The following ANKRD30B variants were observed in gnomAD, a reference collection of about 807,000 sequenced individuals.
The protein encoded by ANKRD30B is ankyrin repeat domain-containing protein 30B.
A neutral mutation model predicts 202.2 loss-of-function variants in ANKRD30B; 144 were observed. The ratio of observed to expected loss-of-function variants is 0.71; its 90% confidence interval spans 0.62 to 0.82. The LOEUF is 0.82. Among genes scored for constraint, ANKRD30B ranks in the 40% least tolerant of loss-of-function variants. The pLI is 0.00. For synonymous variants in ANKRD30B, 508 were observed against 561.3 expected (o/e 0.91, Z 1.34); for missense variants, 1,487 against 1,669.1 (o/e 0.89, Z 1.90).
Position 14,848,185 on chromosome 18 carries a change from T to G in ANKRD30B, c.3182-531T>G. Among the ~76,000 whole-genome samples the G allele has an allele frequency of 1.3e-5, 2 of 152,154 alleles. 1 individual carries two copies. Among genetic ancestry groups the G allele is most frequent in the Admixed American group, 1.3e-4 (2 of 15,262 alleles). On this transcript the variant is annotated intron_variant, in intron 39 of 43. Coordinates refer to ENST00000690538, the MANE Select transcript of ANKRD30B (RefSeq NM_001367607.2). The stretch of plus-strand genomic sequence containing the variant: ...TTTCTGTTTTTCAGGGACTATCATC[T>G]TCTTTGCCTAATGTCCACTGTCTAA...
the ANKRD30B span, among the ~76,000 whole-genome samples, chr18:14,931,789 C>A: frequency 6.6e-6 from 1 of 151,914 alleles, no homozygotes; most frequent in Non-Finnish European, 1.5e-5. Flanking sequence ...CAATCCAGCT[C>A]CTCAGTTTTC....
chr18:14,839,389 G>A (rs564854114), intron 36 of ANKRD30B, among the ~76,000 whole-genome samples: 24 of 152,252 alleles, frequency 1.6e-4, no homozygotes, highest in African/African-American at 5.5e-4. Context: ...AGTCTAGGAG[G>A]AAGACATTCT....
At chr18:14,883,365 G>C in the ANKRD30B span, among the ~76,000 whole-genome samples, 26 of 105,714 alleles carry the variant, frequency 2.5e-4, no homozygotes, top group Non-Finnish European at 3.8e-4. Flanking sequence ...CTCTCTGTCT[G>C]TCTGTCTCTC....
At chr18:14,799,155 G>T (rs1969140527) in intron 21 of ANKRD30B, 26 bp downstream of exon 21, 3 of 1,588,278 alleles carry the variant, frequency 1.9e-6, no homozygotes, top group Non-Finnish European at 2.6e-6. Flanking sequence ...TTTTTATCTT[G>T]AATATTACCT....
intron 7 of ANKRD30B, among the ~76,000 whole-genome samples, chr18:14,766,493 A>AAAAAAGAAAAGAAAAGAAAAGAAAAG (rs1567989711): frequency 9.4e-5 from 8 of 85,052 alleles, no homozygotes; most frequent in Non-Finnish European, 1.9e-4. Context: ...AAAAAAAAAA[A>AAAAAAGAAAAGAAAAGAAAAGAAAAG]AAAAGAAAAG....
At chr18:14,821,592 G>C (rs371500884) in intron 30 of ANKRD30B, among the ~76,000 whole-genome samples, 53 of 152,256 alleles carry the variant, frequency 3.5e-4, no homozygotes, top group South Asian at 3.1e-3. Flanking sequence ...CAAGTAGCTG[G>C]GGTTACAGGC....
At position 14,803,765 on chromosome 18, in the gene ANKRD30B, T is replaced by A. The variant is rs201930187; in HGVS notation, c.2225T>A (p.Val742Glu). The A allele has an allele frequency of 3.1e-6, 5 of 1,607,096 alleles. 1 individual carries two copies. The African/African-American group carries it at 5.4e-5, about 17-fold the overall frequency. Residue 742 changes from valine (V) to glutamate (E), a missense_variant, in exon 24 of 44, where the codon GTG (valine) becomes GAG (glutamate). Around this residue, in one of 6 missense-constraint regions of ANKRD30B, gnomAD observed 218 missense variants for 320.1 expected, o/e 0.68. Transcript: ENST00000690538. ...SFLETLLQND[V>E]CLPKATHQKE... Reference sequence around the variant, plus strand: ...CTTGAGACTCTCTTACAGAATGATGTGTGTTTACCCAAGGCTACACATCAA... The same window carrying A: ...CTTGAGACTCTCTTACAGAATGATGAGTGTTTACCCAAGGCTACACATCAA...
rs760723137 is a variant in ANKRD30B, at chr18:14,791,443, A to G, written c.1777A>G (p.Lys593Glu). Residue 593 changes from lysine (K) to glutamate (E), a missense_variant, in exon 16 of 44, where the codon AAA becomes GAA. Lys to Glu is a moderately conservative substitution (Grantham distance 56, BLOSUM62 1). Coordinates refer to ENST00000690538, the MANE Select transcript of ANKRD30B (RefSeq NM_001367607.2). Reference sequence around the variant, plus strand: ...TTCACAGAAGGATGTGTATTTACCCAAAGCTACACATCAAAAAGAATTCGA... The same window carrying G: ...TTCACAGAAGGATGTGTATTTACCCGAAGCTACACATCAAAAAGAATTCGA... ...TVSQKDVYLP[K>E]ATHQKEFDTL... 2 of 1,611,468 alleles carry G rather than the reference A, an allele frequency of 1.2e-6. No homozygotes were observed. Among genetic ancestry groups the G allele is most frequent in the East Asian group, 4.5e-5 (2 of 44,694 alleles).
intron 15 of ANKRD30B, among the ~76,000 whole-genome samples, chr18:14,789,034 C>T (rs1416084093): frequency 1.3e-5 from 2 of 151,494 alleles, no homozygotes; most frequent in African/African-American, 2.4e-5. Flanking sequence ...GTTCCTATTT[C>T]TCCACATCCT....
rs536799975 is a variant in ANKRD30B at position 14,809,455 on chromosome 18, T to G, written c.2387-531T>G. The stretch of plus-strand genomic sequence containing the variant: ...GACCAGAAATTCTCAGAAGGGAGTA[T>G]GCCTTAACCCTAAAGAGGCCTAGAA... On this transcript the variant is annotated intron_variant, in intron 26 of 43. Coordinates refer to ENST00000690538, the MANE Select transcript of ANKRD30B (RefSeq NM_001367607.2). 2.8e-4 allele frequency among the ~76,000 whole-genome samples: 42 copies of G among 150,768 alleles called. 2 individuals are homozygous for G. The highest frequency in any genetic ancestry group is 5.9e-4 in the Non-Finnish European group (40 of 67,748).
At chr18:14,831,628 T>C (rs1970946239) in intron 34 of ANKRD30B, among the ~76,000 whole-genome samples, 173 bp downstream of exon 34, 1 of 152,186 alleles carries the variant, frequency 6.6e-6, no homozygotes, top group South Asian at 2.1e-4. Flanking sequence ...ACAGTTTTTT[T>C]TTTGTTTTTT....
At chr18:14,778,144 A>G in intron 10 of ANKRD30B, 69 bp downstream of exon 10, 1 of 1,002,748 alleles carries the variant, frequency 1.0e-6, no homozygotes, top group Non-Finnish European at 1.5e-6. Flanking sequence ...GGACTGATAT[A>G]CTCTGACAGC....
intron 20 of ANKRD30B, among the ~76,000 whole-genome samples, chr18:14,798,660 C>T (rs931639182): frequency 7.2e-5 from 11 of 152,162 alleles, no homozygotes; most frequent in African/African-American, 2.4e-4. Context: ...TCCGTGCGTC[C>T]ATTTATAGGC....
At chr18:14,929,611 T>C in the ANKRD30B span, among the ~76,000 whole-genome samples, 4 of 152,210 alleles carry the variant, frequency 2.6e-5, no homozygotes, top group East Asian at 3.9e-4. Flanking sequence ...TTTTAATTCA[T>C]GGAATTATTC....
chr18:14,805,431 A>C (rs1162816461), intron 24 of ANKRD30B, among the ~76,000 whole-genome samples: 2 of 150,930 alleles, frequency 1.3e-5, no homozygotes, highest in Non-Finnish European at 3.0e-5. Context: ...CCATCAGTGG[A>C]TCAAGAAATA....
intron 7 of ANKRD30B, among the ~76,000 whole-genome samples, chr18:14,767,988 G>C (rs890449837): frequency 1.3e-5 from 2 of 152,146 alleles, no homozygotes; most frequent in Admixed American, 1.3e-4. Context: ...AATCTCCAAA[G>C]TGATGTCTTT....
rs558341893 is a variant in ANKRD30B, at chr18:14,773,831, A to G, written c.1329+1603A>G. Among the ~76,000 whole-genome samples, 5 of 151,926 alleles carry G rather than the reference A, an allele frequency of 3.3e-5. No homozygotes were observed. The South Asian group carries it at 1.0e-3, about 32-fold the overall frequency. On this transcript the variant is annotated intron_variant, in intron 9 of 43. Coordinates refer to ENST00000690538, the MANE Select transcript of ANKRD30B (RefSeq NM_001367607.2). The stretch of plus-strand genomic sequence containing the variant: ...CCACAATGCACAGTTAATTTTTGTA[A>G]TTTTAGTAGAGACAGGGTTTCACCA...
intron 14 of ANKRD30B, 93 bp from the exon 15 acceptor site, chr18:14,786,946 C>G (rs1968119825): frequency 7.8e-7 from 1 of 1,274,210 alleles, no homozygotes; most frequent in Non-Finnish European, 1.1e-6. Context: ...GGAAAAACTA[C>G]AGATTCGTGA....
At chr18:14,754,071 TC>T (rs1913935561) in intron 3 of ANKRD30B, among the ~76,000 whole-genome samples, 1 of 152,274 alleles carries the variant, frequency 6.6e-6, no homozygotes, top group South Asian at 2.1e-4. Context: ...GAGAAAAAAT[TC>T]TATTGTCTTG....
Sources: gnomAD v4.1 joint callset for allele counts (sites outside exome capture counted in the v4.1 genomes callset) on GRCh38, gnomAD v4.1.1 for gene constraint, gnomAD v4.1.1 regional missense constraint, MANE v1.5 for transcripts, NCBI Gene and HGNC (gene_info 2026-07-23, HGNC 2026-07-21) for gene names.